Variants in BCAS3 observed in about 807,000 individuals in gnomAD.
The protein encoded by BCAS3 is BCAS3 microtubule associated cell migration factor, also known as BCAS4/BCAS3 fusion.
In BCAS3, 53 loss-of-function variants were observed where a neutral mutation model predicts 116.1. The observed-to-expected ratio is 0.46, with a 90% confidence interval of 0.37 to 0.57. The LOEUF (loss-of-function observed/expected upper bound fraction) is 0.57, where lower values mean the gene tolerates loss of function less well. Ranked by LOEUF, BCAS3 falls within the 20% of genes least tolerant of loss-of-function variation. The probability of loss-of-function intolerance (pLI) is 0.00; values close to 1 mark genes in which losing one functional copy is unlikely to be tolerated. For synonymous variants in BCAS3, 391 were observed against 408.2 expected (o/e 0.96, Z 0.51); for missense variants, 917 against 1,165.4 (o/e 0.79, Z 3.10).
intron 6 of BCAS3, among the ~76,000 whole-genome samples, chr17:60,801,579 G>A (rs1467288495): frequency 6.6e-6 from 1 of 151,996 alleles, no homozygotes; most frequent in African/African-American, 2.4e-5. Context: ...GACCTCAGAG[G>A]AAAAGCATTT....
intron 10 of BCAS3, among the ~76,000 whole-genome samples, chr17:60,891,086 A>G (rs935732520): frequency 6.6e-6 from 1 of 152,202 alleles, no homozygotes; most frequent in African/African-American, 2.4e-5. Context: ...TCTTGTAAAA[A>G]TAGCTCTTTC....
chr17:60,746,457 T>C (rs2042021269), intron 5 of BCAS3, among the ~76,000 whole-genome samples: 1 of 152,142 alleles, frequency 6.6e-6, no homozygotes, highest in African/African-American at 2.4e-5. Context: ...CCCCACAAAA[T>C]GTCCTGAACA....
Position 61,258,361 on chromosome 17 carries a change from G to A in BCAS3, c.2426-109966G>A, listed in dbSNP as rs529675875. ...TTAGATATCCACCATAATGTGTAGC[G>A]TAGTTCCTAGGAGGCTGCATGGTAT... On this transcript the variant is annotated intron_variant, in intron 22 of 23. Transcript: ENST00000407086. This position sits in a 1 kb window ranked among gnomAD's most constrained non-coding sequence, Gnocchi z 4.7. 5.3e-5 allele frequency among the ~76,000 whole-genome samples: 8 copies of A among 152,288 alleles called. No homozygotes were observed. The highest frequency in any genetic ancestry group is 2.6e-4 in the Admixed American group (4 of 15,292).
chr17:60,971,202 G>T (rs964433365), intron 14 of BCAS3, among the ~76,000 whole-genome samples: 1 of 152,206 alleles, frequency 6.6e-6, no homozygotes, highest in East Asian at 1.9e-4. Flanking sequence ...TGTAGTCTGC[G>T]AGTGTTTAGT....
Position 61,327,064 on chromosome 17 carries a change from G to T in BCAS3, c.2426-41263G>T, listed in dbSNP as rs1187116688. On this transcript the variant is annotated intron_variant, in intron 22 of 23. Coordinates refer to ENST00000407086, the MANE Select transcript of BCAS3 (RefSeq NM_017679.5). This position sits in a 1 kb window ranked among gnomAD's most constrained non-coding sequence, Gnocchi z 5.9. ...CTCACACCTGTAATCCCAGCACTTT[G>T]GGAGGCCGAGGTAGGCAGATCATGA... Among the ~76,000 whole-genome samples the T allele has an allele frequency of 6.6e-6, 1 of 152,196 alleles. No individual in the cohort carries two copies. Among genetic ancestry groups the T allele is most frequent in the Non-Finnish European group, 1.5e-5 (1 of 68,044 alleles).
In BCAS3 at chr17:61,388,184, G is replaced by GC. The variant is rs921484855; in HGVS notation, c.2594-3791dup. 1.3e-5 allele frequency: 2 copies of GC among 157,932 alleles called. No homozygotes were observed. The highest frequency in any genetic ancestry group is 4.8e-5 in the African/African-American group (2 of 41,552). The allele number at this position is 157,932 out of a possible 1,614,324, so 9.8% of individuals were successfully genotyped here. ...TTGGGAGTGGGGGAGGAGGGCAGCA[G>GC]CCAGGAGTTGGGCCACTGAGTCAGA... On this transcript the variant is annotated intron_variant, in intron 23 of 23. Coordinates refer to ENST00000407086, the MANE Select transcript of BCAS3 (RefSeq NM_017679.5). This position sits in a 1 kb window ranked among gnomAD's most constrained non-coding sequence, Gnocchi z 6.5.
rs1461435825 is a variant in BCAS3, at chr17:61,008,695, T to TAAAAAAA, written c.1487-7050_1487-7049insAAAAAAA. 6.7e-6 allele frequency among the ~76,000 whole-genome samples: 1 copy of TAAAAAAA among 149,660 alleles called. No individual in the cohort carries two copies. The highest frequency in any genetic ancestry group is 2.0e-4 in the East Asian group (1 of 5,080). On this transcript the variant is annotated intron_variant, in intron 15 of 23. Transcript: ENST00000407086. The surrounding 1 kb of genome is among the most constrained non-coding windows in gnomAD (Gnocchi z 4.6). ...TAGAAGACAAAAGTTTACCAAAAAA[T>TAAAAAAA]AAAAAATAAAAAAATAAAAAAAAAG...
intron 18 of BCAS3, among the ~76,000 whole-genome samples, chr17:61,040,100 T>C (rs554915246): frequency 6.6e-6 from 1 of 152,278 alleles, no homozygotes; most frequent in African/African-American, 2.4e-5. Context: ...AAGAAAAAAT[T>C]GCTCCTGACA....
In BCAS3 at chr17:61,164,850, G is replaced by A. The variant is rs532333160; in HGVS notation, c.2425+80286G>A. On this transcript the variant is annotated intron_variant, in intron 22 of 23. Coordinates refer to ENST00000407086, the MANE Select transcript of BCAS3 (RefSeq NM_017679.5). ...TAATCTTCTAGTTCCTTATGAGTTA[G>A]TATCCACAAATGATGGATAAGATAC... 7.9e-5 allele frequency among the ~76,000 whole-genome samples: 12 copies of A among 152,314 alleles called. No homozygotes were observed. In the South Asian group the frequency reaches 1.0e-3, roughly 13 times the overall value.
At chr17:60,777,118 AATCAGCAAGT>A (rs1453057831) in intron 6 of BCAS3, among the ~76,000 whole-genome samples, 1 of 152,088 alleles carries the variant, frequency 6.6e-6, no homozygotes, top group African/African-American at 2.4e-5. Context: ...AAATGGCTAA[AATCAGCAAGT>A]ATCAGGAGGC....
chr17:60,884,655 G>A (rs1397187598), intron 9 of BCAS3, among the ~76,000 whole-genome samples: 12 of 139,140 alleles, frequency 8.6e-5, no homozygotes, highest in African/African-American at 1.4e-4. Flanking sequence ...CTTTGTTCTC[G>A]TTGGTTTCAA....
At chr17:60,831,740 G>GT (rs796971999) in intron 7 of BCAS3, among the ~76,000 whole-genome samples, 2,982 of 144,540 alleles carry the variant, frequency 0.021, 86 homozygotes, top group African/African-American at 0.067. Context: ...TTGGCGGTGG[G>GT]TTTTTTTTTT....
In BCAS3 at chr17:61,323,346, C is replaced by T. The variant is rs141980949; in HGVS notation, c.2426-44981C>T. ...ATTTATGTGGAGCACTCAGCTACAA[C>T]ATGGAAATAAGTAGTGCAGTGAGCA... On this transcript the variant is annotated intron_variant, in intron 22 of 23. Transcript: ENST00000407086. This position sits in a 1 kb window ranked among gnomAD's most constrained non-coding sequence, Gnocchi z 4.6. Among the ~76,000 whole-genome samples the T allele has an allele frequency of 6.6e-6, 1 of 152,312 alleles. No individual in the cohort carries two copies. The highest frequency in any genetic ancestry group is 1.9e-4 in the East Asian group (1 of 5,170).
At chr17:61,183,344 C>T (rs1045697785) in intron 22 of BCAS3, among the ~76,000 whole-genome samples, 4 of 152,024 alleles carry the variant, frequency 2.6e-5, no homozygotes, top group Admixed American at 1.3e-4. Context: ...TTTTGAACTC[C>T]ATGTTGTCTC....
chr17:60,957,920 G>A (rs1408030080), intron 14 of BCAS3, among the ~76,000 whole-genome samples: 4 of 152,170 alleles, frequency 2.6e-5, no homozygotes, highest in South Asian at 2.1e-4. Context: ...CCAATATAGC[G>A]TTAAGAGCTG....
intron 5 of BCAS3, among the ~76,000 whole-genome samples, chr17:60,742,711 G>C (rs1029049180): frequency 2.0e-5 from 3 of 151,590 alleles, no homozygotes. Flanking sequence ...GGGATTATAA[G>C]GCATGAGCTA....
intron 19 of BCAS3, among the ~76,000 whole-genome samples, chr17:61,045,863 AT>A (rs374492932): frequency 0.1 from 1,799 of 17,972 alleles, 160 homozygotes; most frequent in Middle Eastern, 0.12. Flanking sequence ...ATATATATAT[AT>A]AAATATATAT....
chr17:60,880,836 A>C (rs1005746836), intron 9 of BCAS3, among the ~76,000 whole-genome samples: 1 of 152,046 alleles, frequency 6.6e-6, no homozygotes, highest in Non-Finnish European at 1.5e-5. Flanking sequence ...TTTTTAAATT[A>C]TTTGTCTTTT....
chr17:61,111,273 C>T (rs1363415799), intron 22 of BCAS3, among the ~76,000 whole-genome samples: 5 of 151,930 alleles, frequency 3.3e-5, no homozygotes, highest in East Asian at 3.9e-4. Context: ...AGGCTTCAGA[C>T]GATCGAATTA....
Sources: gnomAD v4.1 joint callset for allele counts (sites outside exome capture counted in the v4.1 genomes callset) on GRCh38, gnomAD v4.1.1 for gene constraint, Gnocchi (gnomAD v3.1) non-coding constraint, MANE v1.5 for transcripts, NCBI Gene and HGNC (gene_info 2026-07-23, HGNC 2026-07-21) for gene names.